The following TNPO1 variants were observed in gnomAD, a reference collection of about 807,000 sequenced individuals.
TNPO1 encodes transportin 1.
TNPO1 carries 8 observed loss-of-function variants against 119.5 expected under a neutral mutation model. The observed-to-expected ratio is 0.07, with a 90% CI of 0.04 to 0.12. TNPO1 has a LOEUF of 0.12. Among genes scored for constraint, TNPO1 ranks in the 10% least tolerant of loss-of-function variants. The pLI, the probability that TNPO1 is intolerant of heterozygous loss-of-function variation, is 1.00. For missense variants in TNPO1, 576 were observed against 1,089.8 expected, an observed-to-expected ratio of 0.53 and a Z score of 6.64; for synonymous variants, 362 against 363.0, an observed-to-expected ratio of 1.00 and a Z score of 0.03.
chr5:72,851,912 A>T (rs1008570067), intron 3 of TNPO1, among the ~76,000 whole-genome samples: 16 of 152,252 alleles, frequency 1.1e-4, no homozygotes, highest in African/African-American at 3.9e-4. Flanking sequence ...GATATAACAA[A>T]GGTTGTAATA....
chr5:72,897,452 A>G (rs1277245108), intron 20 of TNPO1, among the ~76,000 whole-genome samples: 1 of 151,658 alleles, frequency 6.6e-6, no homozygotes, highest in Admixed American at 6.6e-5. Flanking sequence ...TTTTGCTTTT[A>G]AATTAATTCG....
In TNPO1 at chr5:72,816,681, C is replaced by T. The variant is rs1467437270; in HGVS notation, c.-57C>T. On this transcript the variant is annotated 5_prime_UTR_variant, in exon 1 of 25. Coordinates refer to ENST00000337273, the MANE Select transcript of TNPO1 (RefSeq NM_002270.4). Reference sequence around the variant, plus strand: ...TCTTTGTTCCGCAGCCATTTCAGGCCCCGGACAGGAGGCAGTGCCGCTTCG... The same window carrying T: ...TCTTTGTTCCGCAGCCATTTCAGGCTCCGGACAGGAGGCAGTGCCGCTTCG... 7 of 1,522,512 alleles carry T rather than the reference C, an allele frequency of 4.6e-6. No homozygotes were observed. In the South Asian group the frequency reaches 8.7e-5, roughly 19 times the overall value. 94.3% of individuals were successfully genotyped at this position (1,522,512 alleles called of 1,614,324 possible).
At chr5:72,862,016 C>T (rs929079112) in intron 5 of TNPO1, 102 bp downstream of exon 5, 2 of 723,288 alleles carry the variant, frequency 2.8e-6, no homozygotes, top group African/African-American at 3.6e-5. Context: ...AAACATACAG[C>T]TTCTCAAAAC....
chr5:72,885,746 T>G (rs1748576249), intron 11 of TNPO1, among the ~76,000 whole-genome samples: 1 of 23,680 alleles, frequency 4.2e-5, no homozygotes, highest in Non-Finnish European at 1.5e-4. Context: ...TGGTTTGGTT[T>G]TTTTTTTTTT....
chr5:72,876,000 T>C (rs1169667070), intron 8 of TNPO1, among the ~76,000 whole-genome samples: 1 of 152,172 alleles, frequency 6.6e-6, no homozygotes, highest in African/African-American at 2.4e-5. Flanking sequence ...AGAGGATCTT[T>C]TTTAAAGGTT....
chr5:72,903,702 G>C lies in TNPO1; in HGVS notation c.2515-7G>C. 6.3e-7 allele frequency: 1 copy of C among 1,595,228 alleles called. No individual in the cohort carries two copies. The highest frequency in any genetic ancestry group is 8.6e-7 in the Non-Finnish European group (1 of 1,169,540). ...TCAACCTAAGATGTATTTCTTGCTT[G>C]TTACAGGATTTTATATTTTTTTGTG... On this transcript the variant is annotated splice_polypyrimidine_tract_variant and splice_region_variant and intron_variant, in intron 22 of 24. Transcript: ENST00000337273.
chr5:72,828,935 G>A (rs1384614319), intron 1 of TNPO1, among the ~76,000 whole-genome samples: 1 of 152,138 alleles, frequency 6.6e-6, no homozygotes, highest in African/African-American at 2.4e-5. Flanking sequence ...AGCAAGAAAA[G>A]TAAAGATACT....
rs141201736 is a variant in TNPO1 at position 72,895,860 on chromosome 5, T to G, written c.2144-598T>G. ...TGATGTTTCAGAGTTTTGTTTTTGT[T>G]TGATTGTTTTTAGTGCTAGTGTGAC... On this transcript the variant is annotated intron_variant, in intron 18 of 24. Transcript: ENST00000337273. Among the ~76,000 whole-genome samples, 282 of 152,126 alleles carry G rather than the reference T, an allele frequency of 1.9e-3. 3 individuals carry two copies. The highest frequency in any genetic ancestry group is 6.5e-3 in the African/African-American group (271 of 41,408).
intron 8 of TNPO1, among the ~76,000 whole-genome samples, chr5:72,875,955 T>A (rs576021199): frequency 6.6e-6 from 1 of 152,328 alleles, no homozygotes; most frequent in East Asian, 1.9e-4. Flanking sequence ...TAGAGCCTCC[T>A]TTTCACTTCC....
chr5:72,865,406 C>CACT (rs58266880), intron 5 of TNPO1, among the ~76,000 whole-genome samples, 190 bp from the exon 6 acceptor site: 1 of 5,774 alleles, frequency 1.7e-4, no homozygotes, highest in Non-Finnish European at 6.2e-4. Flanking sequence ...GGTGCCACTG[C>CACT]CAGCCTGGGC....
intron 2 of TNPO1, among the ~76,000 whole-genome samples, chr5:72,850,907 T>C (rs1745496438): frequency 6.6e-6 from 1 of 152,350 alleles, no homozygotes; most frequent in Admixed American, 6.5e-5. Flanking sequence ...CATTTTATGC[T>C]TAAATACCTT....
intron 1 of TNPO1, among the ~76,000 whole-genome samples, chr5:72,827,078 G>GT (rs1744237583): frequency 6.6e-6 from 1 of 152,094 alleles, no homozygotes; most frequent in South Asian, 2.1e-4. Context: ...TGTCGTATTT[G>GT]GCCAGCAGTC....
At chr5:72,848,122 A>C in intron 1 of TNPO1, 1 of 1,156,912 alleles carries the variant, frequency 8.6e-7, no homozygotes, top group South Asian at 2.8e-5. Flanking sequence ...ATTCGCGGTG[A>C]CTCAGTCTGG....
At chr5:72,900,839 A>G (rs1561360203) in intron 21 of TNPO1, 135 bp from the exon 22 acceptor site, 3 of 491,796 alleles carry the variant, frequency 6.1e-6, no homozygotes, top group Non-Finnish European at 6.9e-6. Flanking sequence ...AAACGAAACT[A>G]AAGCTTTCCG....
intron 8 of TNPO1, 106 bp from the exon 9 acceptor site, chr5:72,877,122 C>G: frequency 4.0e-6 from 2 of 505,524 alleles, no homozygotes; most frequent in South Asian, 8.3e-5. Context: ...AAAAAATTGC[C>G]TAGGTTGAAA....
At chr5:72,827,430 G>A (rs1184813563) in intron 1 of TNPO1, among the ~76,000 whole-genome samples, 3 of 152,116 alleles carry the variant, frequency 2.0e-5, no homozygotes, top group Non-Finnish European at 4.4e-5. Context: ...GGTTATAAGG[G>A]AACAAAAGAG....
chr5:72,853,134 A>C (rs1224212028), intron 3 of TNPO1, among the ~76,000 whole-genome samples: 1 of 152,174 alleles, frequency 6.6e-6, no homozygotes, highest in African/African-American at 2.4e-5. Context: ...CAGGCCAGGC[A>C]AGGTGGCTCT....
chr5:72,848,028 T>G, intron 1 of TNPO1: 1 of 1,025,526 alleles, frequency 9.8e-7, no homozygotes, highest in Middle Eastern at 4.7e-4. Context: ...CTGGACGGAA[T>G]TAGAGATGGG....
In TNPO1 at chr5:72,909,323, AC is replaced by A. The variant is rs1170457259; in HGVS notation, c.*651del. On this transcript the variant is annotated 3_prime_UTR_variant, in exon 25 of 25. Coordinates refer to ENST00000337273, the MANE Select transcript of TNPO1 (RefSeq NM_002270.4). Reference sequence around the variant, plus strand: ...TGGAAATAAAACAAAACAAACATAAACAATGAAGCACCCTGTGAAATGCCAA... The same window carrying A: ...TGGAAATAAAACAAAACAAACATAAAAATGAAGCACCCTGTGAAATGCCAA... 6 of 152,066 alleles carry A rather than the reference AC, an allele frequency of 3.9e-5. No homozygotes were observed. The highest frequency in any genetic ancestry group is 7.3e-5 in the Non-Finnish European group (5 of 68,196). 9.4% of individuals were successfully genotyped at this position (152,066 alleles called of 1,614,324 possible).
Sources: gnomAD v4.1 joint callset for allele counts (sites outside exome capture counted in the v4.1 genomes callset) on GRCh38, gnomAD v4.1.1 for gene constraint, MANE v1.5 for transcripts, NCBI Gene and HGNC (gene_info 2026-07-23, HGNC 2026-07-21) for gene names.